USP13: variants seen among roughly 807,000 people sequenced by gnomAD.
USP13 encodes ubiquitin carboxyl-terminal hydrolase 13.
USP13 carries 68 observed loss-of-function variants against 107.8 expected under a neutral mutation model. That is an observed-to-expected ratio of 0.63 (90% CI 0.52 to 0.77). The LOEUF is 0.77. USP13 is among the 30% of genes least tolerant of loss of function. USP13 has a pLI of 0.00. For missense variants in USP13, 945 were observed against 1,093.3 expected, an observed-to-expected ratio of 0.86 and a Z score of 1.91; for synonymous variants, 377 against 389.5, an observed-to-expected ratio of 0.97 and a Z score of 0.38.
intron 19 of USP13, among the ~76,000 whole-genome samples, chr3:179,781,077 A>G (rs1715730256): frequency 6.6e-6 from 1 of 152,214 alleles, no homozygotes; most frequent in African/African-American, 2.4e-5. Flanking sequence ...ACTGGGTATG[A>G]TGCAAGAGGT....
chr3:179,755,414 C>T (rs1714755757), intron 15 of USP13, among the ~76,000 whole-genome samples: 1 of 152,102 alleles, frequency 6.6e-6, no homozygotes, highest in African/African-American at 2.4e-5. Flanking sequence ...CCTGCCTCAG[C>T]CTCACGAGTA....
chr3:179,662,406 T>C (rs1047720423), intron 1 of USP13, among the ~76,000 whole-genome samples: 1 of 152,190 alleles, frequency 6.6e-6, no homozygotes, highest in African/African-American at 2.4e-5. Flanking sequence ...TTCTGGAGTC[T>C]TTTGGGCATT....
rs57620088 is a variant in USP13, at chr3:179,679,794, GTTTTTTTTT to G, written c.169-2065_169-2057del. Among the ~76,000 whole-genome samples the G allele has an allele frequency of 1.1e-3, 105 of 97,442 alleles. 1 individual carries two copies. The highest frequency in any genetic ancestry group is 2.1e-3 in the Admixed American group (18 of 8,522). 63.9% of individuals were successfully genotyped at this position (97,442 alleles called of 152,430 possible). A position where few individuals can be genotyped will look rare whatever the true frequency, so the allele number is the denominator to read the frequency against. ...AACTTGGGTAAGTGACCTATCCTTAGTTTTTTTTTTTTTTTTTTTTTTTTTTTGATACTG... is the reference window on the plus strand; with the variant it reads ...AACTTGGGTAAGTGACCTATCCTTAGTTTTTTTTTTTTTTTTTTGATACTG... On this transcript the variant is annotated intron_variant, in intron 1 of 20. Transcript: ENST00000263966.
chr3:179,695,942 C>T (rs960730716), intron 3 of USP13, among the ~76,000 whole-genome samples: 1 of 152,168 alleles, frequency 6.6e-6, no homozygotes, highest in African/African-American at 2.4e-5. Context: ...TATTTTAAGT[C>T]TCTGAGGGAA....
intron 2 of USP13, among the ~76,000 whole-genome samples, chr3:179,684,941 A>T (rs1208227107): frequency 6.6e-6 from 1 of 152,182 alleles, no homozygotes; most frequent in African/African-American, 2.4e-5. Context: ...TTGAATTTAT[A>T]GATTAACCTA....
Position 179,673,898 on chromosome 3 carries a change from C to T in USP13, c.169-7980C>T, listed in dbSNP as rs569986508. 2.6e-5 allele frequency among the ~76,000 whole-genome samples: 4 copies of T among 152,216 alleles called. No individual in the cohort carries two copies. The East Asian group carries it at 5.8e-4, about 22-fold the overall frequency. ...GTAGTGTTTCGAGATTTCTTTCTTT[C>T]GTTTTTTTCTTGAGACGGAGTTTCG... On this transcript the variant is annotated intron_variant, in intron 1 of 20. Transcript: ENST00000263966.
chr3:179,669,643 TC>T (rs1720688835), intron 1 of USP13, among the ~76,000 whole-genome samples: 1 of 152,174 alleles, frequency 6.6e-6, no homozygotes, highest in Non-Finnish European at 1.5e-5. Flanking sequence ...TTGTTTTGTG[TC>T]TCAGCTGTCC....
intron 11 of USP13, among the ~76,000 whole-genome samples, chr3:179,741,759 G>A (rs1714209305): frequency 1.3e-5 from 2 of 152,146 alleles, no homozygotes; most frequent in African/African-American, 4.8e-5. Context: ...TCACTTAAAT[G>A]TTTGCCACAT....
At chr3:179,702,678 C>A (rs574259277) in intron 4 of USP13, among the ~76,000 whole-genome samples, 2 of 152,312 alleles carry the variant, frequency 1.3e-5, no homozygotes, top group African/African-American at 4.8e-5. Context: ...TGTGCCTCTT[C>A]TTTTAGTACT....
chr3:179,758,117 G>A (rs1275890557), intron 16 of USP13, among the ~76,000 whole-genome samples: 1 of 152,058 alleles, frequency 6.6e-6, no homozygotes, highest in Non-Finnish European at 1.5e-5. Flanking sequence ...TGGTAGGAAG[G>A]GCAAAGCAGG....
intron 17 of USP13, among the ~76,000 whole-genome samples, chr3:179,763,646 G>C (rs958524222): frequency 2.0e-5 from 3 of 152,120 alleles, no homozygotes; most frequent in African/African-American, 7.2e-5. Flanking sequence ...GAGTGCAGTG[G>C]TGCAATCTCA....
chr3:179,697,593 T>C (rs1712369791), intron 3 of USP13, among the ~76,000 whole-genome samples: 1 of 152,206 alleles, frequency 6.6e-6, no homozygotes, highest in African/African-American at 2.4e-5. Flanking sequence ...GTATTGCCAC[T>C]TAATAGCCAC....
intron 6 of USP13, 149 bp from the exon 7 acceptor site, chr3:179,719,791 G>T: frequency 6.0e-6 from 3 of 503,112 alleles, no homozygotes; most frequent in Non-Finnish European, 1.0e-5. Context: ...TTTATCATTC[G>T]TCTTTCCTCT....
intron 1 of USP13, among the ~76,000 whole-genome samples, chr3:179,660,282 C>A (rs1720419626): frequency 6.6e-6 from 1 of 152,212 alleles, no homozygotes; most frequent in Non-Finnish European, 1.5e-5. Flanking sequence ...TAAACCCCCA[C>A]TTCTCCCTTC....
At chr3:179,776,108 C>T (rs1160828382) in intron 19 of USP13, among the ~76,000 whole-genome samples, 1 of 152,158 alleles carries the variant, frequency 6.6e-6, no homozygotes, top group African/African-American at 2.4e-5. Context: ...GACAAACATC[C>T]AAACTATATC....
At chr3:179,673,150 A>G (rs569724111) in intron 1 of USP13, among the ~76,000 whole-genome samples, 12 of 152,300 alleles carry the variant, frequency 7.9e-5, no homozygotes, top group African/African-American at 2.9e-4. Context: ...CTGTTTTTCT[A>G]TGCGTGGCCA....
chr3:179,705,881 C>T (rs1302688626), intron 4 of USP13, among the ~76,000 whole-genome samples: 1 of 152,224 alleles, frequency 6.6e-6, no homozygotes, highest in South Asian at 2.1e-4. Flanking sequence ...TGCCACCACA[C>T]CTGGCTAATT....
intron 6 of USP13, among the ~76,000 whole-genome samples, chr3:179,717,283 T>C (rs1305095863): frequency 6.6e-6 from 1 of 152,218 alleles, no homozygotes; most frequent in Non-Finnish European, 1.5e-5. Flanking sequence ...TGACTACATA[T>C]TTATAAATTC....
chr3:179,735,575 C>A lies in USP13; in HGVS notation c.1255-4672C>A, dbSNP rs181235376. The stretch of plus-strand genomic sequence containing the variant: ...CCCTAAACTCTTCACTCTTCTCTTT[C>A]ATTTCCTTTCTCCTTTTCTCATTTT... On this transcript the variant is annotated intron_variant, in intron 10 of 20. Coordinates refer to ENST00000263966, the MANE Select transcript of USP13 (RefSeq NM_003940.3). Among the ~76,000 whole-genome samples, 147 of 152,222 alleles carry A rather than the reference C, an allele frequency of 9.7e-4. 1 individual carries two copies. The highest frequency in any genetic ancestry group is 3.5e-3 in the African/African-American group (144 of 41,536).
Sources: gnomAD v4.1 joint callset for allele counts (sites outside exome capture counted in the v4.1 genomes callset) on GRCh38, gnomAD v4.1.1 for gene constraint, MANE v1.5 for transcripts, NCBI Gene and HGNC (gene_info 2026-07-23, HGNC 2026-07-21) for gene names.